FOCAD: variants seen among roughly 807,000 people sequenced by gnomAD.
FOCAD encodes the protein focadhesin.
FOCAD carries 198 observed loss-of-function variants against 225.6 expected under a neutral mutation model. That is an observed-to-expected ratio of 0.88 (90% confidence interval 0.78 to 0.99). The LOEUF (loss-of-function observed/expected upper bound fraction) is 0.99, where lower values mean the gene tolerates loss of function less well. Among genes scored for constraint, FOCAD ranks in the 50% least tolerant of loss-of-function variants. The probability of loss-of-function intolerance (pLI) is 0.00; values close to 1 mark genes in which losing one functional copy is unlikely to be tolerated. For synonymous variants in FOCAD, 897 were observed against 755.0 expected (o/e 1.19, Z -3.08); for missense variants, 2,713 against 2,123.6 (o/e 1.28, Z -5.46).
chr9:20,745,018 T>G (rs190726542), intron 5 of FOCAD, among the ~76,000 whole-genome samples: 109 of 152,320 alleles, frequency 7.2e-4, no homozygotes, highest in Admixed American at 1.4e-3. Context: ...AGTTCAGACT[T>G]TCTTTTTTTC....
At chr9:20,717,727 C>T (rs1048161458) in intron 2 of FOCAD, 67 bp from the exon 3 acceptor site, 15 of 1,227,474 alleles carry the variant, frequency 1.2e-5, no homozygotes, top group Non-Finnish European at 1.5e-5. Flanking sequence ...ATACTCATAT[C>T]AACTAGTATT....
chr9:20,867,954 A>G (rs1479912060), intron 18 of FOCAD, among the ~76,000 whole-genome samples: 1 of 152,102 alleles, frequency 6.6e-6, no homozygotes, highest in Non-Finnish European at 1.5e-5. Flanking sequence ...GCCACGATAT[A>G]AAAAGGATTG....
chr9:20,793,015 G>A (rs889926536), intron 11 of FOCAD, among the ~76,000 whole-genome samples: 3 of 152,110 alleles, frequency 2.0e-5, no homozygotes, highest in Admixed American at 6.6e-5. Flanking sequence ...AGAGTCTTTG[G>A]ACACTTTGTA....
intron 21 of FOCAD, among the ~76,000 whole-genome samples, chr9:20,902,725 A>G (rs568275874): frequency 6.6e-6 from 1 of 152,046 alleles, no homozygotes; most frequent in Admixed American, 6.6e-5. Flanking sequence ...TATATATTAA[A>G]TATTTCAGAA....
Position 20,820,324 on chromosome 9 carries a change from G to A in FOCAD, c.1561G>A (p.Val521Met). 1 of 1,606,202 alleles carries A rather than the reference G, an allele frequency of 6.2e-7. No individual in the cohort carries two copies. Among genetic ancestry groups the A allele is most frequent in the Non-Finnish European group, 8.5e-7 (1 of 1,175,476 alleles). Residue 521 changes from valine to methionine, a missense_variant and splice_region_variant, in exon 13 of 44, where the codon GTG (valine) becomes ATG (methionine). Transcript: ENST00000338382. ...YTLPKLGVHK[V>M]CIGQILRIIQ... Reference sequence around the variant, plus strand: ...CTAGAGTTTCTTCAATATTTTCTAGGTGTGTATAGGACAAATTCTACGAAT... The same window carrying A: ...CTAGAGTTTCTTCAATATTTTCTAGATGTGTATAGGACAAATTCTACGAAT...
chr9:20,933,652 T>G (rs1429445630), intron 28 of FOCAD, among the ~76,000 whole-genome samples: 1 of 152,190 alleles, frequency 6.6e-6, no homozygotes, highest in East Asian at 1.9e-4. Flanking sequence ...GTTTTTGCAA[T>G]TGTGAATTGT....
At chr9:20,739,223 C>G (rs1827400724) in intron 4 of FOCAD, among the ~76,000 whole-genome samples, 1 of 152,204 alleles carries the variant, frequency 6.6e-6, no homozygotes, top group African/African-American at 2.4e-5. Flanking sequence ...CAACTATGTT[C>G]TGAAGTAAGT....
intron 1 of FOCAD, among the ~76,000 whole-genome samples, chr9:20,690,293 T>G (rs1822897374): frequency 6.6e-6 from 1 of 152,214 alleles, no homozygotes; most frequent in African/African-American, 2.4e-5. Context: ...GCATTTCCCC[T>G]AATTACTGGA....
In FOCAD at chr9:20,881,816, C is replaced by A. The variant is rs1467951439; in HGVS notation, c.2318-55C>A. ...GTATATGAGTTAAGAACGCATGTTT[C>A]TCTTCTAGCTTATTGTATTTACTCT... is the stretch of plus-strand genomic sequence containing the variant. On this transcript the variant is annotated intron_variant, in intron 19 of 43. Coordinates refer to ENST00000338382, the MANE Select transcript of FOCAD (RefSeq NM_001375567.1). 3.2e-6 allele frequency: 5 copies of A among 1,552,824 alleles called. No individual in the cohort carries two copies. In the African/African-American group the frequency reaches 4.2e-5, roughly 13 times the overall value.
intron 11 of FOCAD, among the ~76,000 whole-genome samples, chr9:20,815,364 C>T (rs1292732569): frequency 6.7e-5 from 10 of 149,878 alleles, no homozygotes; most frequent in Non-Finnish European, 1.2e-4. Flanking sequence ...CAACTGGTCT[C>T]GAACTCCTGA....
At chr9:20,794,990 G>A (rs1273058002) in intron 11 of FOCAD, among the ~76,000 whole-genome samples, 1 of 152,094 alleles carries the variant, frequency 6.6e-6, no homozygotes, top group Non-Finnish European at 1.5e-5. Context: ...AATATTGAAT[G>A]ATATCAAAAT....
chr9:20,976,428 T>G lies in FOCAD; in HGVS notation c.4141T>G (p.Ser1381Ala). 6.2e-7 allele frequency: 1 copy of G among 1,613,030 alleles called. No individual in the cohort carries two copies. The highest frequency in any genetic ancestry group is 8.5e-7 in the Non-Finnish European group (1 of 1,179,176). Residue 1381 changes from serine (S) to alanine (A), a missense_variant, in exon 36 of 44, where the codon TCT becomes GCT. Ser to Ala is a moderately conservative substitution (Grantham distance 99). Coordinates refer to ENST00000338382, the MANE Select transcript of FOCAD (RefSeq NM_001375567.1). ...FITGGKKGPE[S>A]VPPSLLKVVM... is the part of the protein sequence containing the mutation. ...TTCACTGTCTGTTATAGGTCCTGAA[T>G]CTGTGCCTCCTTCCCTTCTTAAAGT...
chr9:20,989,610 A>G (rs970974613), intron 41 of FOCAD, among the ~76,000 whole-genome samples: 7 of 152,196 alleles, frequency 4.6e-5, no homozygotes, highest in Non-Finnish European at 7.3e-5. Context: ...CTTGTGCTCA[A>G]GAGTTCAAGA....
At chr9:20,826,516 G>A (rs938503589) in intron 15 of FOCAD, among the ~76,000 whole-genome samples, 3 of 152,028 alleles carry the variant, frequency 2.0e-5, no homozygotes, top group African/African-American at 7.2e-5. Context: ...TTGCTCCTTA[G>A]TTTGCATATG....
chr9:20,924,516 A>C (rs1834759029), intron 25 of FOCAD, among the ~76,000 whole-genome samples: 1 of 152,234 alleles, frequency 6.6e-6, no homozygotes, highest in African/African-American at 2.4e-5. Flanking sequence ...CGAAGGATTA[A>C]ATGAATTAAT....
intron 18 of FOCAD, 188 bp from the exon 19 acceptor site, chr9:20,874,493 G>A (rs1018796286): frequency 1.3e-5 from 7 of 556,600 alleles, no homozygotes; most frequent in African/African-American, 1.1e-4. Context: ...GATGACTAGA[G>A]TCATGACCAT....
chr9:20,753,882 A>T (rs958899626), intron 5 of FOCAD, among the ~76,000 whole-genome samples: 1 of 152,070 alleles, frequency 6.6e-6, no homozygotes, highest in Non-Finnish European at 1.5e-5. Context: ...AGATTTATTT[A>T]CAAGTGATCG....
intron 15 of FOCAD, among the ~76,000 whole-genome samples, chr9:20,849,876 T>G (rs1394418715): frequency 6.6e-6 from 1 of 151,890 alleles, no homozygotes; most frequent in Non-Finnish European, 1.5e-5. Flanking sequence ...TAAATCTTTC[T>G]TAGTTCATTG....
rs565281979 is a variant in FOCAD, at chr9:20,807,754, T to C, written c.1456-12042T>C. Among the ~76,000 whole-genome samples, 238 of 152,274 alleles carry C rather than the reference T, an allele frequency of 1.6e-3. 1 individual carries two copies. Among genetic ancestry groups the C allele is most frequent in the African/African-American group, 5.4e-3 (224 of 41,566 alleles). Reference sequence around the variant, plus strand: ...TTCAATATAAATGTAAATATGTATTTAGAAGTAGTCTTAGGCTGGGTGTGG... The same window carrying C: ...TTCAATATAAATGTAAATATGTATTCAGAAGTAGTCTTAGGCTGGGTGTGG... On this transcript the variant is annotated intron_variant, in intron 11 of 43. Coordinates refer to ENST00000338382, the MANE Select transcript of FOCAD (RefSeq NM_001375567.1).
Sources: allele counts gnomAD v4.1 joint callset (sites outside exome capture counted in the v4.1 genomes callset), GRCh38; gene constraint gnomAD v4.1.1; transcripts MANE v1.5; gene names NCBI Gene and HGNC (gene_info 2026-07-23, HGNC 2026-07-21).